The following PCNX2 variants were observed in gnomAD, a reference collection of about 807,000 sequenced individuals.
The protein encoded by PCNX2 is pecanex-like protein 2.
Under a neutral mutation model 223.8 loss-of-function variants are expected in PCNX2, and 168 were observed. The ratio of observed to expected loss-of-function variants is 0.75; its 90% CI spans 0.66 to 0.85. The LOEUF (loss-of-function observed/expected upper bound fraction) is 0.85, where lower values mean the gene tolerates loss of function less well. PCNX2 is among the 40% of genes least tolerant of loss of function. PCNX2 has a pLI of 0.00. For synonymous variants in PCNX2, 1,006 were observed against 1,052.6 expected (o/e 0.96, Z 0.86); for missense variants, 2,507 against 2,675.5 (o/e 0.94, Z 1.39).
chr1:233,164,111 G>C (rs1442343492), intron 17 of PCNX2, among the ~76,000 whole-genome samples: 10 of 152,112 alleles, frequency 6.6e-5, no homozygotes, highest in Admixed American at 6.5e-4. Context: ...TTAAGAAACT[G>C]CCATAATCCA....
At chr1:233,143,393 A>C (rs181570434) in intron 19 of PCNX2, among the ~76,000 whole-genome samples, 4 of 152,234 alleles carry the variant, frequency 2.6e-5, no homozygotes, top group Non-Finnish European at 5.9e-5. Context: ...ATGGAGCCAG[A>C]CATTCTACAT....
At chr1:233,317,749 A>G in the PCNX2 span, among the ~76,000 whole-genome samples, 2 of 152,214 alleles carry the variant, frequency 1.3e-5, no homozygotes, top group Admixed American at 1.3e-4. Context: ...TAATATTAAA[A>G]TAACAGCTAA....
At chr1:233,157,357 ATGG>A (rs1178593286) in intron 19 of PCNX2, among the ~76,000 whole-genome samples, 1 of 152,190 alleles carries the variant, frequency 6.6e-6, no homozygotes, top group African/African-American at 2.4e-5. Flanking sequence ...TCTATGTAAA[ATGG>A]TGGGATAGGA....
chr1:233,179,032 C>T (rs757151188), intron 16 of PCNX2, 34 bp downstream of exon 16: 2 of 1,580,712 alleles, frequency 1.3e-6, no homozygotes, highest in African/African-American at 2.7e-5. Flanking sequence ...GCCCCCAGCT[C>T]AGTGATGAGA....
chr1:233,119,322 G>GGGCGA (rs1675609927), intron 21 of PCNX2, among the ~76,000 whole-genome samples: 1 of 149,500 alleles, frequency 6.7e-6, no homozygotes, highest in Non-Finnish European at 1.5e-5. Flanking sequence ...CACTTTGGGA[G>GGGCGA]GGCGAGGTGG....
At chr1:233,025,589 C>A in intron 25 of PCNX2, 190 bp from the exon 26 acceptor site, 1 of 688,982 alleles carries the variant, frequency 1.5e-6, no homozygotes, top group Admixed American at 2.9e-5. Context: ...CTTTTATTCA[C>A]TCACATTCAG....
intron 21 of PCNX2, among the ~76,000 whole-genome samples, chr1:233,123,511 G>A (rs1314752783): frequency 7.9e-5 from 12 of 152,200 alleles, no homozygotes; most frequent in Admixed American, 5.2e-4. Context: ...GAACCCAGGA[G>A]GCGGATGTTG....
chr1:233,079,428 G>A (rs940920075), intron 23 of PCNX2, among the ~76,000 whole-genome samples: 4 of 151,782 alleles, frequency 2.6e-5, no homozygotes, highest in Non-Finnish European at 4.4e-5. Flanking sequence ...GGGAGGCTGA[G>A]GCGGGAGAAT....
intron 13 of PCNX2, among the ~76,000 whole-genome samples, chr1:233,205,936 A>C (rs1393933957): frequency 6.6e-6 from 1 of 152,164 alleles, no homozygotes; most frequent in East Asian, 1.9e-4. Context: ...GGACTATGAA[A>C]GTGTGGGTAG....
chr1:233,173,679 C>A (rs1679292787), intron 17 of PCNX2, among the ~76,000 whole-genome samples: 1 of 152,164 alleles, frequency 6.6e-6, no homozygotes, highest in Admixed American at 6.5e-5. Context: ...GCCTTCCTAT[C>A]CAAAATCAGG....
intron 21 of PCNX2, among the ~76,000 whole-genome samples, chr1:233,127,943 T>C (rs1473971710): frequency 6.6e-6 from 1 of 151,764 alleles, no homozygotes; most frequent in African/African-American, 2.4e-5. Flanking sequence ...AGTACTTCTG[T>C]ATAAGTATGT....
rs1171661433 is a variant in PCNX2, at chr1:233,259,004, T to C, written c.858A>G (p.Glu286=). The change falls in exon 5 of 34, where the codon GAA becomes GAG. Residue 286 remains glutamate, a synonymous_variant. Coordinates refer to ENST00000258229, the MANE Select transcript of PCNX2 (RefSeq NM_014801.4). Reference sequence around the variant, plus strand: ...TGGAGCCCCGGGGACAACTGACAGGTTCTGGAATCAGGACTGAATTCTCAC... The same window carrying C: ...TGGAGCCCCGGGGACAACTGACAGGCTCTGGAATCAGGACTGAATTCTCAC... ...WGSENSVLIP[E]PVSCPRGSIR... is the part of the protein sequence containing the mutation. 1.2e-6 allele frequency: 2 copies of C among 1,613,906 alleles called. No individual in the cohort carries two copies. Among genetic ancestry groups the C allele is most frequent in the Non-Finnish European group, 1.7e-6 (2 of 1,179,872 alleles).
chr1:233,303,341 CTG>C, the PCNX2 span, among the ~76,000 whole-genome samples: 1 of 152,052 alleles, frequency 6.6e-6, no homozygotes, highest in Non-Finnish European at 1.5e-5. Flanking sequence ...TGGAGAAATC[CTG>C]TCTTTACAAA....
intron 25 of PCNX2, among the ~76,000 whole-genome samples, chr1:233,038,302 G>A (rs137868265): frequency 6.6e-6 from 1 of 152,232 alleles, no homozygotes. Context: ...CCCTACTACT[G>A]CCCCGTTTAA....
intron 21 of PCNX2, among the ~76,000 whole-genome samples, chr1:233,134,372 C>G (rs139128783): frequency 6.6e-6 from 1 of 152,158 alleles, no homozygotes; most frequent in Admixed American, 6.5e-5. Context: ...ACATTAGATA[C>G]GAGCCCCATA....
intron 1 of PCNX2, among the ~76,000 whole-genome samples, chr1:233,265,907 T>G (rs1660306471): frequency 6.6e-6 from 1 of 152,190 alleles, no homozygotes; most frequent in Non-Finnish European, 1.5e-5. Flanking sequence ...GCTTTTCAGT[T>G]TATCCTCATA....
At position 233,104,300 on chromosome 1, in the gene PCNX2, A is replaced by G. The variant is rs550538279; in HGVS notation, c.3838-8437T>C. On this transcript the variant is annotated intron_variant, in intron 21 of 33. Transcript: ENST00000258229. ...TCTTGTTAGATTTAGAAGAAATATT[A>G]AAGTCACCTAAAAATTTTAGGCAAA... Among the ~76,000 whole-genome samples the G allele has an allele frequency of 1.4e-4, 21 of 152,284 alleles. 1 individual carries two copies. In the South Asian group the frequency reaches 4.3e-3, roughly 32 times the overall value.
At chr1:233,065,184 T>G (rs1186602591) in intron 23 of PCNX2, among the ~76,000 whole-genome samples, 1 of 152,192 alleles carries the variant, frequency 6.6e-6, no homozygotes, top group Admixed American at 6.5e-5. Context: ...GCAACCACAC[T>G]GTGTTCAGCC....
At chr1:233,229,130 G>T (rs1657913708) in intron 9 of PCNX2, among the ~76,000 whole-genome samples, 1 of 152,172 alleles carries the variant, frequency 6.6e-6, no homozygotes, top group Admixed American at 6.5e-5. Context: ...TGCCTGGCAT[G>T]CATTCATTAG....
Sources: allele counts gnomAD v4.1 joint callset (sites outside exome capture counted in the v4.1 genomes callset), GRCh38; gene constraint gnomAD v4.1.1; transcripts MANE v1.5; gene names NCBI Gene and HGNC (gene_info 2026-07-23, HGNC 2026-07-21).